RNF180: variants seen among roughly 807,000 people sequenced by gnomAD.
RNF180 encodes the protein ring finger protein 180.
RNF180 carries 38 observed loss-of-function variants against 59.2 expected under a neutral mutation model. The observed-to-expected ratio is 0.64, with a 90% CI of 0.50 to 0.84. The LOEUF is 0.84. Ranked by LOEUF, RNF180 falls within the 40% of genes least tolerant of loss-of-function variation. RNF180 has a pLI of 0.00. For missense variants in RNF180, 705 were observed against 700.9 expected (o/e 1.01, Z -0.07); for synonymous variants, 262 against 240.3 (o/e 1.09, Z -0.84).
At chr5:64,336,869 G>T (rs1745147018) in intron 7 of RNF180, among the ~76,000 whole-genome samples, 1 of 151,780 alleles carries the variant, frequency 6.6e-6, no homozygotes, top group Non-Finnish European at 1.5e-5. Flanking sequence ...TTTGTCCATG[G>T]TATCTTTCAT....
chr5:64,257,414 G>A (rs181767353), intron 5 of RNF180, among the ~76,000 whole-genome samples: 90 of 150,978 alleles, frequency 6.0e-4, no homozygotes, highest in African/African-American at 1.9e-3. Flanking sequence ...TAGCATGAAC[G>A]GCTGTTGAAT....
At chr5:64,303,373 G>A (rs1456953767) in intron 5 of RNF180, among the ~76,000 whole-genome samples, 8 of 151,696 alleles carry the variant, frequency 5.3e-5, no homozygotes, top group Admixed American at 6.6e-5. Flanking sequence ...AGTAAGCTTA[G>A]TGAGCAAGGC....
intron 5 of RNF180, among the ~76,000 whole-genome samples, chr5:64,272,613 T>C (rs192668637): frequency 7.5e-4 from 114 of 152,096 alleles, no homozygotes; most frequent in African/African-American, 2.6e-3. Context: ...TGACACAGTA[T>C]GCAAAAATTA....
chr5:64,218,474 A>G (rs140867046), intron 5 of RNF180, among the ~76,000 whole-genome samples: 160 of 152,220 alleles, frequency 1.1e-3, no homozygotes, highest in African/African-American at 3.7e-3. Flanking sequence ...TACAGTTCAT[A>G]TTTATGTCTG....
intron 3 of RNF180, among the ~76,000 whole-genome samples, chr5:64,212,527 G>A (rs970060313): frequency 1.3e-5 from 2 of 151,912 alleles, no homozygotes; most frequent in African/African-American, 2.4e-5. Flanking sequence ...TGAAGTCAGG[G>A]ACTTTTATAT....
At chr5:64,216,054 T>C (rs1398174667) in intron 4 of RNF180, among the ~76,000 whole-genome samples, 1 of 152,046 alleles carries the variant, frequency 6.6e-6, no homozygotes, top group Non-Finnish European at 1.5e-5. Context: ...GCTTAATTGA[T>C]CAGAATTAAT....
intron 1 of RNF180, among the ~76,000 whole-genome samples, chr5:64,173,361 CAT>C (rs1750046389): frequency 6.6e-6 from 1 of 152,020 alleles, no homozygotes; most frequent in African/African-American, 2.4e-5. Flanking sequence ...ACATTTTTGA[CAT>C]ATATTGTACA....
intron 5 of RNF180, among the ~76,000 whole-genome samples, chr5:64,286,990 G>T (rs1431405990): frequency 6.6e-6 from 1 of 152,122 alleles, no homozygotes; most frequent in Admixed American, 6.5e-5. Flanking sequence ...TTTATGAAAT[G>T]AAGTCTTGCT....
intron 5 of RNF180, among the ~76,000 whole-genome samples, chr5:64,287,987 C>G (rs576343832): frequency 6.6e-6 from 1 of 152,166 alleles, no homozygotes; most frequent in South Asian, 2.1e-4. Context: ...GTGCCTATGT[C>G]CTGAATGGTA....
At chr5:64,306,842 G>A (rs577303148) in intron 5 of RNF180, among the ~76,000 whole-genome samples, 109 of 150,772 alleles carry the variant, frequency 7.2e-4, no homozygotes, top group African/African-American at 2.4e-3. Context: ...GGGGAGGAGG[G>A]AGGGATAGCA....
At chr5:64,340,547 C>T (rs144650423) in intron 7 of RNF180, among the ~76,000 whole-genome samples, 7 of 152,284 alleles carry the variant, frequency 4.6e-5, no homozygotes, top group East Asian at 1.9e-4. Flanking sequence ...GTGAATATAA[C>T]GCAGAAATCC....
rs762860713 is a variant in RNF180, at chr5:64,213,676, A to G, written c.350A>G (p.Lys117Arg). The G allele has an allele frequency of 5.0e-6, 8 of 1,614,020 alleles. No individual in the cohort carries two copies. The highest frequency in any genetic ancestry group is 1.6e-4 in the Middle Eastern group (1 of 6,084). Residue 117 changes from lysine to arginine, a missense_variant, in exon 4 of 8, where the codon AAG becomes AGG. By Grantham distance (26) the Lys-to-Arg change is conservative. Coordinates refer to ENST00000389100, the MANE Select transcript of RNF180 (RefSeq NM_001113561.2). ...CAGCTTGCAGCTGTACATCTCTCCAAGAGCCGGACTGATTATCAGCCAACA... is the reference window on the plus strand; with the variant it reads ...CAGCTTGCAGCTGTACATCTCTCCAGGAGCCGGACTGATTATCAGCCAACA... ...CGQLAAVHLS[K>R]SRTDYQPTQA...
chr5:64,365,725 A>C (rs1746422773), intron 7 of RNF180, among the ~76,000 whole-genome samples: 1 of 151,694 alleles, frequency 6.6e-6, no homozygotes, highest in East Asian at 1.9e-4. Flanking sequence ...CTTTACCGTT[A>C]TGTAATGCCC....
chr5:64,280,308 C>T (rs1001435667), intron 5 of RNF180, among the ~76,000 whole-genome samples: 2 of 151,990 alleles, frequency 1.3e-5, no homozygotes, highest in African/African-American at 4.8e-5. Flanking sequence ...TGCAGAAGTT[C>T]TTTAGTTTAA....
intron 1 of RNF180, among the ~76,000 whole-genome samples, chr5:64,168,902 A>G (rs2111855477): frequency 6.6e-6 from 1 of 152,336 alleles, no homozygotes; most frequent in East Asian, 1.9e-4. Flanking sequence ...ATCTCATTCC[A>G]TAAAATAGAA....
intron 5 of RNF180, among the ~76,000 whole-genome samples, chr5:64,278,814 A>AT (rs1397497229): frequency 1.3e-5 from 2 of 152,026 alleles, no homozygotes; most frequent in Non-Finnish European, 2.9e-5. Context: ...TGGGGGTCTC[A>AT]TTGTGTTGTT....
At position 64,214,351 on chromosome 5, in the gene RNF180, T is replaced by A; in HGVS notation, c.1025T>A (p.Met342Lys). 1 of 1,614,054 alleles carries A rather than the reference T, an allele frequency of 6.2e-7. No homozygotes were observed. The highest frequency in any genetic ancestry group is 8.5e-7 in the Non-Finnish European group (1 of 1,179,988). ...LMDLPSAGRS[M>K]PEASDQEEHL... ...GACCTGCCCTCAGCTGGCAGGAGCATGCCGGAGGCCTCAGACCAGGAAGAG... is the reference window on the plus strand; with the variant it reads ...GACCTGCCCTCAGCTGGCAGGAGCAAGCCGGAGGCCTCAGACCAGGAAGAG... Residue 342 changes from methionine to lysine, a missense_variant, in exon 4 of 8, where the codon ATG (methionine) becomes AAG (lysine). Physicochemically the swap from Met to Lys is moderately conservative, Grantham distance 95. Transcript: ENST00000389100.
At chr5:64,360,006 G>A (rs1035728324) in intron 7 of RNF180, among the ~76,000 whole-genome samples, 16 of 151,876 alleles carry the variant, frequency 1.1e-4, no homozygotes, top group Non-Finnish European at 1.9e-4. Context: ...TCTCTGTTTT[G>A]GTACCAGTAC....
intron 7 of RNF180, among the ~76,000 whole-genome samples, chr5:64,364,831 T>C (rs1746386236): frequency 1.3e-5 from 2 of 151,868 alleles, no homozygotes; most frequent in South Asian, 4.1e-4. Flanking sequence ...GTCCATTTGT[T>C]GTAGATTTTC....
Sources: gnomAD v4.1 joint callset for allele counts (sites outside exome capture counted in the v4.1 genomes callset) on GRCh38, gnomAD v4.1.1 for gene constraint, MANE v1.5 for transcripts, NCBI Gene and HGNC (gene_info 2026-07-23, HGNC 2026-07-21) for gene names.